CIMIP2A: variants seen among roughly 807,000 people sequenced by gnomAD.
CIMIP2A encodes the protein family with sequence similarity 166 member A.
At chr9:137,251,582 G>T in the CIMIP2A span, among the ~76,000 whole-genome samples, 3 of 151,592 alleles carry the variant, frequency 2.0e-5, no homozygotes, top group Admixed American at 2.0e-4. Context: ...CAGGCGGCTG[G>T]GAGCGGCCAG....
chr9:137,249,997 G>A, the CIMIP2A span, among the ~76,000 whole-genome samples: 3 of 151,978 alleles, frequency 2.0e-5, no homozygotes, highest in African/African-American at 7.2e-5. Flanking sequence ...TGTGTCTGGA[G>A]GCCTTCTTGG....
At chr9:137,245,413 C>T in the CIMIP2A span, 7 of 1,613,658 alleles carry the variant, frequency 4.3e-6, no homozygotes, top group African/African-American at 4.0e-5. Context: ...GCCTGGTGGG[C>T]ACGGAGGGTG....
chr9:137,244,346 A>C, the CIMIP2A span: 1 of 1,608,586 alleles, frequency 6.2e-7, no homozygotes, highest in Non-Finnish European at 8.5e-7. Flanking sequence ...CAGATAGTCA[A>C]GTTGTCCCAG....
chr9:137,251,505 C>G, the CIMIP2A span: 626 of 1,001,938 alleles, frequency 6.2e-4, 4 homozygotes, highest in African/African-American at 9.0e-3. Flanking sequence ...GACTGAGGGA[C>G]AGTGTGGGGA....
the CIMIP2A span, chr9:137,251,904 G>C: frequency 1.2e-6 from 2 of 1,604,514 alleles, no homozygotes; most frequent in East Asian, 2.2e-5. Context: ...ATGTGAGTGA[G>C]GGTCCTGGCC....
At chr9:137,252,631 G>C in the CIMIP2A span, 1 of 1,457,864 alleles carries the variant, frequency 6.9e-7, no homozygotes, top group Non-Finnish European at 9.1e-7. Context: ...GGAGCACCCT[G>C]CCCTGCAGCC....
the CIMIP2A span, chr9:137,252,698 C>T: frequency 6.4e-7 from 1 of 1,550,580 alleles, no homozygotes; most frequent in African/African-American, 1.4e-5. Flanking sequence ...GCTCAGCCGG[C>T]CCGCCTTCCC....
the CIMIP2A span, chr9:137,247,910 A>T: frequency 1.6e-6 from 1 of 607,384 alleles, no homozygotes; most frequent in Middle Eastern, 3.0e-4. Flanking sequence ...GGTGCCAGGC[A>T]GGGGAGGAGT....
chr9:137,245,814 C>T, the CIMIP2A span: 24 of 1,512,278 alleles, frequency 1.6e-5, no homozygotes, highest in Non-Finnish European at 1.3e-5. Context: ...CATAGGTGTT[C>T]CCCACCTGGT....
chr9:137,243,643 A>G, the CIMIP2A span: 1 of 1,613,986 alleles, frequency 6.2e-7, no homozygotes, highest in Non-Finnish European at 8.5e-7. Context: ...CACTGTGTGC[A>G]CTTGCTGTTT....
the CIMIP2A span, chr9:137,243,940 T>A: frequency 1.0e-6 from 1 of 987,314 alleles, no homozygotes. Flanking sequence ...CCTGTCCTGT[T>A]CCAGGTACCC....
the CIMIP2A span, chr9:137,253,378 C>A: frequency 4.6e-6 from 7 of 1,516,406 alleles, no homozygotes; most frequent in Non-Finnish European, 6.2e-6. Flanking sequence ...CCGATGCACC[C>A]TTCTGGCTGG....
the CIMIP2A span, chr9:137,255,101 G>C: frequency 6.2e-6 from 1 of 160,624 alleles, no homozygotes; most frequent in Non-Finnish European, 1.4e-5. Flanking sequence ...GTCCGTTCCC[G>C]GAGCAGACGG....
chr9:137,244,298 C>T, the CIMIP2A span: 1 of 1,613,410 alleles, frequency 6.2e-7, no homozygotes, highest in African/African-American at 1.3e-5. Context: ...ACTGGGGAGA[C>T]AGGAAGGTGC....
the CIMIP2A span, chr9:137,245,259 C>T: frequency 1.9e-6 from 3 of 1,576,386 alleles, no homozygotes; most frequent in Non-Finnish European, 2.6e-6. Context: ...GCAGCTCCCA[C>T]CTGGGGCTGA....
the CIMIP2A span, chr9:137,253,572 AG>A: frequency 1.7e-5 from 21 of 1,246,434 alleles, no homozygotes; most frequent in Non-Finnish European, 2.2e-5. Flanking sequence ...TTCCCTGTTG[AG>A]GGGTCTCCAT....
chr9:137,243,781 C>T, the CIMIP2A span: 1 of 1,614,012 alleles, frequency 6.2e-7, no homozygotes, highest in Non-Finnish European at 8.5e-7. Flanking sequence ...CGTAGTTGTC[C>T]TGCATGGCTG....
At chr9:137,252,646 T>C in the CIMIP2A span, 1 of 1,535,202 alleles carries the variant, frequency 6.5e-7, no homozygotes, top group Non-Finnish European at 8.8e-7. Context: ...GCAGCCCGTC[T>C]CCTACCCCCT....
At chr9:137,254,038 T>G in the CIMIP2A span, among the ~76,000 whole-genome samples, 1 of 152,294 alleles carries the variant, frequency 6.6e-6, no homozygotes, top group East Asian at 1.9e-4. Flanking sequence ...ATCACTGGCC[T>G]GCCCTCCTAC....
Sources: gnomAD v4.1 joint callset for allele counts (sites outside exome capture counted in the v4.1 genomes callset) on GRCh38, gnomAD v4.1.1 for gene constraint, MANE v1.5 for transcripts, NCBI Gene and HGNC (gene_info 2026-07-23, HGNC 2026-07-21) for gene names.